The following THADA variants were observed in gnomAD, a reference collection of about 807,000 sequenced individuals.
THADA encodes tRNA (32-2'-O)-methyltransferase regulator THADA.
THADA carries 213 observed loss-of-function variants against 219.8 expected under a neutral mutation model. The observed-to-expected ratio is 0.97, with a 90% CI of 0.87 to 1.09. THADA has a LOEUF of 1.09. Ranked by LOEUF, THADA falls within the 50% of genes least tolerant of loss-of-function variation. The pLI is 0.00. For synonymous variants in THADA, 1,018 were observed against 828.9 expected, an observed-to-expected ratio of 1.23 and a Z score of -3.92; for missense variants, 2,956 against 2,311.3, an observed-to-expected ratio of 1.28 and a Z score of -5.72.
intron 28 of THADA, among the ~76,000 whole-genome samples, chr2:43,417,336 C>A (rs985642570): frequency 6.6e-6 from 1 of 152,052 alleles, no homozygotes; most frequent in Admixed American, 6.6e-5. Context: ...GCTTCTTAGC[C>A]TCAAGCCACA....
intron 31 of THADA, among the ~76,000 whole-genome samples, chr2:43,315,128 A>G (rs563687260): frequency 4.0e-4 from 61 of 152,302 alleles, no homozygotes; most frequent in Non-Finnish European, 8.1e-4. Context: ...TCCTCCATCC[A>G]AAAAAGTTTC....
intron 28 of THADA, among the ~76,000 whole-genome samples, chr2:43,399,397 G>A (rs1265698806): frequency 6.6e-6 from 1 of 152,164 alleles, no homozygotes; most frequent in Non-Finnish European, 1.5e-5. Flanking sequence ...AGAGGGACAG[G>A]GCCCTACAAT....
chr2:43,330,198 G>A (rs185476022), intron 30 of THADA, among the ~76,000 whole-genome samples: 101 of 152,322 alleles, frequency 6.6e-4, no homozygotes, highest in Non-Finnish European at 1.2e-3. Flanking sequence ...GACTCTCCTT[G>A]TGGTTACCCA....
intron 7 of THADA, among the ~76,000 whole-genome samples, chr2:43,585,222 C>A (rs113096803): frequency 1.6e-4 from 24 of 151,928 alleles, no homozygotes; most frequent in African/African-American, 5.3e-4. Flanking sequence ...TTAAACATGA[C>A]TACCCTGGCT....
At chr2:43,542,070 G>C (rs1026793132) in intron 20 of THADA, among the ~76,000 whole-genome samples, 48 of 152,050 alleles carry the variant, frequency 3.2e-4, no homozygotes, top group African/African-American at 1.1e-3. Flanking sequence ...GCTATAATTA[G>C]CCTTACTTAC....
intron 26 of THADA, among the ~76,000 whole-genome samples, chr2:43,448,882 T>C (rs1681939746): frequency 6.6e-6 from 1 of 152,060 alleles, no homozygotes; most frequent in South Asian, 2.1e-4. Context: ...TCAAGCATCC[T>C]GTTTCCAACA....
At chr2:43,309,342 T>C (rs928447162) in intron 31 of THADA, among the ~76,000 whole-genome samples, 2 of 152,240 alleles carry the variant, frequency 1.3e-5, no homozygotes, top group African/African-American at 4.8e-5. Flanking sequence ...TCCTAGGTTT[T>C]TACCCAAGAG....
intron 30 of THADA, among the ~76,000 whole-genome samples, chr2:43,325,080 A>G (rs1490774131): frequency 6.6e-6 from 1 of 152,154 alleles, no homozygotes; most frequent in Non-Finnish European, 1.5e-5. Flanking sequence ...CCACTTAAGA[A>G]CTTGATTAAT....
intron 34 of THADA, among the ~76,000 whole-genome samples, chr2:43,289,727 C>T (rs1474612912): frequency 6.6e-6 from 1 of 152,136 alleles, no homozygotes; most frequent in Non-Finnish European, 1.5e-5. Context: ...TCTCGGCTCA[C>T]TGCAGCCTCC....
At position 43,231,241 on chromosome 2, in the gene THADA, T is replaced by A. The variant is rs1220435974; in HGVS notation, c.5569A>T (p.Lys1857Ter). Residue 1857 changes from lysine to a stop codon, truncating the protein, a stop_gained, in exon 38 of 38, where the codon AAG (lysine) becomes TAG (stop). Transcript: ENST00000405975. LOFTEE classifies it low-confidence loss of function (END_TRUNC). ...LCKHLFCLLS[K>*]SGWRPPSPEM... is the part of the protein sequence containing the mutation. ...GGGCTTGGGGGACGCCAGCCGGACTTTGAGAGGAGACAGAAGAGGTGCTTG... is the reference window on the plus strand; with the variant it reads ...GGGCTTGGGGGACGCCAGCCGGACTATGAGAGGAGACAGAAGAGGTGCTTG... 2 of 1,613,624 alleles carry A rather than the reference T, an allele frequency of 1.2e-6. No individual in the cohort carries two copies. Among genetic ancestry groups the A allele is most frequent in the Admixed American group, 3.3e-5 (2 of 59,962 alleles).
At chr2:43,236,428 A>G (rs1423097561) in intron 36 of THADA, among the ~76,000 whole-genome samples, 2 of 152,206 alleles carry the variant, frequency 1.3e-5, no homozygotes, top group African/African-American at 4.8e-5. Context: ...TACTGGCCAA[A>G]TGCCTTATGA....
At chr2:43,541,528 A>G (rs955122720) in intron 20 of THADA, among the ~76,000 whole-genome samples, 9 of 150,250 alleles carry the variant, frequency 6.0e-5, no homozygotes, top group Admixed American at 2.7e-4. Context: ...TCTTTTTTGG[A>G]GACAGGGTCT....
intron 36 of THADA, among the ~76,000 whole-genome samples, chr2:43,234,623 G>C (rs1667814502): frequency 6.6e-6 from 1 of 152,164 alleles, no homozygotes; most frequent in Non-Finnish European, 1.5e-5. Flanking sequence ...ATAGAGAAGG[G>C]ATAATTAAGT....
intron 14 of THADA, 22 bp downstream of exon 14, chr2:43,570,366 T>G: frequency 6.3e-7 from 1 of 1,575,226 alleles, no homozygotes; most frequent in Non-Finnish European, 8.6e-7. Flanking sequence ...AAAACTCTCA[T>G]GTTTAGAAAT....
intron 36 of THADA, among the ~76,000 whole-genome samples, chr2:43,248,264 C>T (rs1245190625): frequency 6.7e-6 from 1 of 148,426 alleles, no homozygotes; most frequent in African/African-American, 2.5e-5. Context: ...GAGTCTCGCT[C>T]TGTCACCCAG....
intron 29 of THADA, among the ~76,000 whole-genome samples, chr2:43,378,192 T>C (rs976024212): frequency 5.3e-5 from 8 of 152,152 alleles, no homozygotes; most frequent in Admixed American, 2.6e-4. Context: ...GACACCTTCA[T>C]TGAAGTAGAA....
At chr2:43,257,434 G>T (rs1481900868) in intron 36 of THADA, among the ~76,000 whole-genome samples, 2 of 152,252 alleles carry the variant, frequency 1.3e-5, no homozygotes, top group African/African-American at 4.8e-5. Context: ...TCCCGGGCCA[G>T]CGGGGCCCAA....
chr2:43,288,809 A>G (rs1674353235), intron 34 of THADA, among the ~76,000 whole-genome samples: 1 of 152,234 alleles, frequency 6.6e-6, no homozygotes, highest in Non-Finnish European at 1.5e-5. Context: ...CAGTTTACAT[A>G]CCATAGAATT....
chr2:43,572,757 C>A lies in THADA; in HGVS notation c.1908+57G>T, dbSNP rs370582640. 314 of 1,521,082 alleles carry A rather than the reference C, an allele frequency of 2.1e-4. 2 individuals are homozygous for A. The African/African-American group carries it at 3.8e-3, about 18-fold the overall frequency. 94.2% of individuals were successfully genotyped at this position (1,521,082 alleles called of 1,614,324 possible). On this transcript the variant is annotated intron_variant, in intron 12 of 37. Coordinates refer to ENST00000405975, the MANE Select transcript of THADA (RefSeq NM_022065.5). ...ACAATGTAGGGGCCTCTATATTGAA[C>A]TGCTACATGAAAGGGATCTACTGCA...
Sources: gnomAD v4.1 joint callset for allele counts (sites outside exome capture counted in the v4.1 genomes callset) on GRCh38, gnomAD v4.1.1 for gene constraint, MANE v1.5 for transcripts, NCBI Gene and HGNC (gene_info 2026-07-23, HGNC 2026-07-21) for gene names.